Variants in CCDC85A observed in about 807,000 individuals in gnomAD.
CCDC85A encodes coiled-coil domain containing 85A.
A neutral mutation model predicts 50.2 loss-of-function variants in CCDC85A; 38 were observed. The ratio of observed to expected loss-of-function variants is 0.76; its 90% CI spans 0.58 to 0.99. The LOEUF is 0.99. CCDC85A is among the 50% of genes least tolerant of loss of function. The probability of loss-of-function intolerance (pLI) is 0.00; values close to 1 mark genes in which losing one functional copy is unlikely to be tolerated. For missense variants in CCDC85A, 820 were observed against 742.0 expected, an observed-to-expected ratio of 1.11 and a Z score of -1.22; for synonymous variants, 366 against 301.4, an observed-to-expected ratio of 1.21 and a Z score of -2.22.
intron 2 of CCDC85A, among the ~76,000 whole-genome samples, chr2:56,328,958 T>G (rs894477850): frequency 6.6e-6 from 1 of 152,142 alleles, no homozygotes; most frequent in Admixed American, 6.5e-5. Flanking sequence ...AATCAGATTA[T>G]GTTGCCACAG....
At chr2:56,320,940 C>T (rs1296032210) in intron 2 of CCDC85A, among the ~76,000 whole-genome samples, 1 of 152,180 alleles carries the variant, frequency 6.6e-6, no homozygotes, top group Non-Finnish European at 1.5e-5. Context: ...AGCTTATCCA[C>T]CACGATCAAG....
intron 2 of CCDC85A, among the ~76,000 whole-genome samples, chr2:56,327,876 C>T (rs1673559221): frequency 6.7e-6 from 1 of 149,664 alleles, no homozygotes; most frequent in African/African-American, 2.5e-5. Flanking sequence ...GCCCGGCTCT[C>T]ACTTTGACTG....
At chr2:56,355,804 G>A (rs540012101) in intron 3 of CCDC85A, among the ~76,000 whole-genome samples, 2 of 152,120 alleles carry the variant, frequency 1.3e-5, no homozygotes, top group Non-Finnish European at 2.9e-5. Flanking sequence ...AAAGGAATTG[G>A]GTATTGTCTT....
At chr2:56,364,307 C>T (rs984145379) in intron 3 of CCDC85A, among the ~76,000 whole-genome samples, 21 of 147,078 alleles carry the variant, frequency 1.4e-4, no homozygotes, top group African/African-American at 4.7e-4. Flanking sequence ...TGCTAACCTT[C>T]TGTAATTATT....
In CCDC85A at chr2:56,379,414, A is replaced by G. The variant is rs192428276; in HGVS notation, c.1572+3479A>G. ...TATTGGTCATCATTACAGTGGAGCA[A>G]GAGTTATTGACTATATCCAAATTGT... On this transcript the variant is annotated intron_variant, in intron 5 of 5. Transcript: ENST00000407595. 1.9e-3 allele frequency among the ~76,000 whole-genome samples: 293 copies of G among 152,306 alleles called. 1 individual carries two copies. The highest frequency in any genetic ancestry group is 6.9e-3 in the African/African-American group (288 of 41,566).
At chr2:56,384,181 C>G in intron 5 of CCDC85A, 85 bp from the exon 6 acceptor site, 1 of 1,175,376 alleles carries the variant, frequency 8.5e-7, no homozygotes, top group Non-Finnish European at 1.2e-6. Context: ...CATCTTCGCT[C>G]CTCTCTTAAT....
chr2:56,341,488 C>G (rs1674368977), intron 2 of CCDC85A, among the ~76,000 whole-genome samples: 1 of 152,134 alleles, frequency 6.6e-6, no homozygotes, highest in African/African-American at 2.4e-5. Flanking sequence ...AAGTCTATTG[C>G]TGTGTACCTT....
At position 56,184,087 on chromosome 2, in the gene CCDC85A, GGCAGCCGCGGCGGCGTCGCTAGA is replaced by G. The variant is rs1219225631; in HGVS notation, c.-530_-508del. ...GGCAGGAGGAGCGCAGCAGCCTTCG[GGCAGCCGCGGCGGCGTCGCTAGA>G]GCAGCCGGGGAGGCGCCGCGGTGCC... On this transcript the variant is annotated 5_prime_UTR_variant, in exon 1 of 6. Coordinates refer to ENST00000407595, the MANE Select transcript of CCDC85A (RefSeq NM_001080433.2). The G allele has an allele frequency of 7.1e-6, 7 of 985,338 alleles. No homozygotes were observed. Among genetic ancestry groups the G allele is most frequent in the Middle Eastern group, 1.0e-3 (2 of 1,934 alleles). The allele number at this position is 985,338 out of a possible 1,614,324, so 61.0% of individuals were successfully genotyped here. A position where few individuals can be genotyped will look rare whatever the true frequency, so the allele number is the denominator to read the frequency against.
At chr2:56,272,948 AAAG>A (rs1175730463) in intron 2 of CCDC85A, among the ~76,000 whole-genome samples, 1 of 152,136 alleles carries the variant, frequency 6.6e-6, no homozygotes, top group Non-Finnish European at 1.5e-5. Flanking sequence ...GGAAAAAGAA[AAAG>A]AGAGAGGAAG....
At chr2:56,191,066 T>C (rs1408678987) in intron 1 of CCDC85A, among the ~76,000 whole-genome samples, 8 of 152,224 alleles carry the variant, frequency 5.3e-5, no homozygotes. Flanking sequence ...GAGCTCTTGC[T>C]CTCATGCTGG....
chr2:56,243,058 C>G (rs1370977812), intron 2 of CCDC85A, among the ~76,000 whole-genome samples: 1 of 151,588 alleles, frequency 6.6e-6, no homozygotes, highest in Non-Finnish European at 1.5e-5. Flanking sequence ...TTTTTAGGAT[C>G]TTTTCTTCAT....
intron 3 of CCDC85A, among the ~76,000 whole-genome samples, chr2:56,343,679 G>A (rs1369539470): frequency 6.6e-6 from 1 of 152,152 alleles, no homozygotes; most frequent in Non-Finnish European, 1.5e-5. Context: ...CAAGCATGTG[G>A]ACAATAATAT....
chr2:56,280,807 G>A (rs1261827974), intron 2 of CCDC85A, among the ~76,000 whole-genome samples: 1 of 152,098 alleles, frequency 6.6e-6, no homozygotes, highest in East Asian at 1.9e-4. Flanking sequence ...TTTTGGTGAG[G>A]AAGTAGTACT....
chr2:56,379,309 G>C (rs1676477085), intron 5 of CCDC85A, among the ~76,000 whole-genome samples: 1 of 152,086 alleles, frequency 6.6e-6, no homozygotes, highest in Non-Finnish European at 1.5e-5. Flanking sequence ...AGTTTCACCT[G>C]TCACTATCAT....
chr2:56,201,087 C>T (rs1676723236), intron 2 of CCDC85A, among the ~76,000 whole-genome samples: 1 of 64,050 alleles, frequency 1.6e-5, no homozygotes. Flanking sequence ...CACACACACA[C>T]ACACACACAC....
At chr2:56,294,349 A>C (rs1558627257) in intron 2 of CCDC85A, among the ~76,000 whole-genome samples, 2 of 152,176 alleles carry the variant, frequency 1.3e-5, no homozygotes, top group Non-Finnish European at 2.9e-5. Context: ...CTTAATACCT[A>C]GGTGGTGGGT....
At chr2:56,188,455 C>A (rs1223801298) in intron 1 of CCDC85A, among the ~76,000 whole-genome samples, 3 of 152,204 alleles carry the variant, frequency 2.0e-5, no homozygotes, top group African/African-American at 7.2e-5. Context: ...AGGGTAGCAC[C>A]AGTCCTGTTT....
At chr2:56,285,610 T>G (rs867097351) in intron 2 of CCDC85A, among the ~76,000 whole-genome samples, 28 of 148,382 alleles carry the variant, frequency 1.9e-4, no homozygotes, top group Admixed American at 2.7e-4. Flanking sequence ...TTATCTACAC[T>G]TCATGTTTAA....
chr2:56,311,511 A>G (rs1015514616), intron 2 of CCDC85A, among the ~76,000 whole-genome samples: 2 of 151,734 alleles, frequency 1.3e-5, no homozygotes, highest in African/African-American at 4.8e-5. Flanking sequence ...GTACATGTGC[A>G]CAATGTGCAG....
Sources: gnomAD v4.1 joint callset for allele counts (sites outside exome capture counted in the v4.1 genomes callset) on GRCh38, gnomAD v4.1.1 for gene constraint, MANE v1.5 for transcripts, NCBI Gene and HGNC (gene_info 2026-07-23, HGNC 2026-07-21) for gene names.